ERICH1: variants seen among roughly 807,000 people sequenced by gnomAD.
ERICH1 encodes glutamate-rich protein 1.
A neutral mutation model predicts 39.6 loss-of-function variants in ERICH1; 56 were observed. That is an observed-to-expected ratio of 1.41 (90% CI 1.14 to 1.77). The LOEUF (loss-of-function observed/expected upper bound fraction) is 1.77, where lower values mean the gene tolerates loss of function less well. Among genes scored for constraint, ERICH1 ranks in the 40% most tolerant of loss-of-function variants. ERICH1 has a pLI of 0.00. For synonymous variants in ERICH1, 313 were observed against 223.6 expected, an observed-to-expected ratio of 1.40 and a Z score of -3.57; for missense variants, 826 against 575.4, an observed-to-expected ratio of 1.44 and a Z score of -4.45.
intron 3 of ERICH1, 56 bp from the exon 4 acceptor site, chr8:674,103 T>C: frequency 6.8e-7 from 1 of 1,477,728 alleles, no homozygotes; most frequent in African/African-American, 1.4e-5. Context: ...ATAACAAACA[T>C]ATTAGGCTAA....
chr8:623,204 G>A (rs967912693), intron 3 of ERICH1, among the ~76,000 whole-genome samples: 3 of 152,168 alleles, frequency 2.0e-5, no homozygotes, highest in Non-Finnish European at 4.4e-5. Flanking sequence ...TACACACCAT[G>A]AGTAAATGGA....
intron 4 of ERICH1, among the ~76,000 whole-genome samples, chr8:672,459 G>C (rs1803655553): frequency 6.6e-6 from 1 of 152,152 alleles, no homozygotes; most frequent in Non-Finnish European, 1.5e-5. Flanking sequence ...TTACATAGCT[G>C]ATATTTCTCA....
chr8:692,466 C>T lies in ERICH1; in HGVS notation c.304+12G>A. On this transcript the variant is annotated intron_variant, in intron 3 of 5. Coordinates refer to ENST00000262109, the MANE Select transcript of ERICH1 (RefSeq NM_207332.3). ...CAAAGATGTCTACCTTTCCTCCCAC[C>T]CAGCATTTTACCTTCTGTGTCATCC... 6.2e-7 allele frequency: 1 copy of T among 1,613,992 alleles called. No individual in the cohort carries two copies. Among genetic ancestry groups the T allele is most frequent in the Non-Finnish European group, 8.5e-7 (1 of 1,179,940 alleles).
chr8:718,610 CAG>C (rs1186637056), intron 1 of ERICH1, among the ~76,000 whole-genome samples: 10 of 152,186 alleles, frequency 6.6e-5, no homozygotes, highest in African/African-American at 2.2e-4. Context: ...TGACAGCTGA[CAG>C]GGGTTTCTCA....
chr8:711,368 ATTCT>A (rs1245216895), intron 2 of ERICH1, among the ~76,000 whole-genome samples: 3 of 152,068 alleles, frequency 2.0e-5, no homozygotes, highest in African/African-American at 4.8e-5. Context: ...CTACTTATCA[ATTCT>A]TTCTTTGATT....
chr8:642,659 A>T (rs1187159848), intron 3 of ERICH1, among the ~76,000 whole-genome samples: 7 of 152,080 alleles, frequency 4.6e-5, no homozygotes, highest in Non-Finnish European at 8.8e-5. Flanking sequence ...ATTTCACAGT[A>T]ATCAACCCAC....
intron 2 of ERICH1, among the ~76,000 whole-genome samples, chr8:695,326 G>A (rs1809905237): frequency 6.6e-6 from 1 of 151,866 alleles, no homozygotes; most frequent in Non-Finnish European, 1.5e-5. Flanking sequence ...CCTTGCCCTT[G>A]CTTCACCAGG....
intron 3 of ERICH1, among the ~76,000 whole-genome samples, chr8:622,638 C>T (rs1289476462): frequency 6.6e-6 from 1 of 152,130 alleles, no homozygotes; most frequent in African/African-American, 2.4e-5. Flanking sequence ...AGCCAGACAG[C>T]TTCACTAGCA....
chr8:708,681 G>GT (rs139731216), intron 2 of ERICH1, among the ~76,000 whole-genome samples: 3,682 of 65,638 alleles, frequency 0.056, 467 homozygotes, highest in African/African-American at 0.063. Flanking sequence ...GGGATAATGA[G>GT]TTTTTTTTTT....
intron 3 of ERICH1, among the ~76,000 whole-genome samples, chr8:655,142 A>T (rs1800464996): frequency 1.3e-5 from 2 of 152,212 alleles, no homozygotes; most frequent in South Asian, 4.1e-4. Context: ...AGCCCACGCC[A>T]AGTCGGCCCC....
intron 1 of ERICH1, among the ~76,000 whole-genome samples, chr8:722,827 T>C (rs1372339930): frequency 6.6e-6 from 1 of 152,260 alleles, no homozygotes; most frequent in Non-Finnish European, 1.5e-5. Flanking sequence ...TTTCAAAATG[T>C]GGCTGCTCAG....
intron 3 of ERICH1, among the ~76,000 whole-genome samples, chr8:679,939 A>G (rs1269868366): frequency 8.2e-3 from 70 of 8,528 alleles, no homozygotes; most frequent in South Asian, 0.029. Context: ...GAACACAGAA[A>G]GTCCAAGAGA....
intron 3 of ERICH1, among the ~76,000 whole-genome samples, chr8:674,753 A>G (rs1472322800): frequency 6.6e-6 from 1 of 152,248 alleles, no homozygotes; most frequent in African/African-American, 2.4e-5. Context: ...AAAATAAGTA[A>G]TGATGATTTG....
intron 2 of ERICH1, among the ~76,000 whole-genome samples, chr8:702,032 G>T (rs901429981): frequency 2.2e-5 from 3 of 133,748 alleles, no homozygotes; most frequent in African/African-American, 6.0e-5. Flanking sequence ...AGCCAAGATT[G>T]CACCACTGCA....
intron 3 of ERICH1, among the ~76,000 whole-genome samples, chr8:629,123 G>C (rs888276402): frequency 4.6e-5 from 7 of 152,122 alleles, no homozygotes; most frequent in Non-Finnish European, 1.0e-4. Context: ...TGTGAGCCCA[G>C]TCACATGACG....
At chr8:650,918 A>G (rs1799865357) in intron 3 of ERICH1, among the ~76,000 whole-genome samples, 1 of 152,154 alleles carries the variant, frequency 6.6e-6, no homozygotes, top group African/African-American at 2.4e-5. Context: ...TGAGAAATAG[A>G]TCTGGGGTCC....
intron 2 of ERICH1, among the ~76,000 whole-genome samples, chr8:704,097 G>A (rs1812743747): frequency 6.6e-6 from 1 of 152,160 alleles, no homozygotes; most frequent in Non-Finnish European, 1.5e-5. Context: ...CAGTGTGAAA[G>A]ACAGTTATTA....
At chr8:616,521 T>C in intron 3 of ERICH1, 1 of 455,932 alleles carries the variant, frequency 2.2e-6, no homozygotes, top group Non-Finnish European at 4.4e-6. Context: ...TTGGAGTTGA[T>C]ACCTGGGGAC....
At chr8:709,409 CT>C (rs1296010682) in intron 2 of ERICH1, among the ~76,000 whole-genome samples, 1 of 152,234 alleles carries the variant, frequency 6.6e-6, no homozygotes, top group Non-Finnish European at 1.5e-5. Context: ...TAGCCTGTTT[CT>C]CCGTGTGCCC....
Sources: gnomAD v4.1 joint callset for allele counts (sites outside exome capture counted in the v4.1 genomes callset) on GRCh38, gnomAD v4.1.1 for gene constraint, MANE v1.5 for transcripts, NCBI Gene and HGNC (gene_info 2026-07-23, HGNC 2026-07-21) for gene names.